RARB: variants seen among roughly 807,000 people sequenced by gnomAD.
RARB encodes retinoic acid receptor beta.
In RARB, 17 loss-of-function variants were observed where a neutral mutation model predicts 51.9. That is an observed-to-expected ratio of 0.33 (90% CI 0.22 to 0.49). The LOEUF (loss-of-function observed/expected upper bound fraction) is 0.49, where lower values mean the gene tolerates loss of function less well. RARB is among the 20% of genes least tolerant of loss of function. RARB has a pLI of 0.99. For synonymous variants in RARB, 215 were observed against 195.4 expected, an observed-to-expected ratio of 1.10 and a Z score of -0.84; for missense variants, 369 against 550.8, an observed-to-expected ratio of 0.67 and a Z score of 3.30.
chr3:25,479,335 A>G (rs973251741), intron 2 of RARB, among the ~76,000 whole-genome samples: 2 of 152,160 alleles, frequency 1.3e-5, no homozygotes, highest in African/African-American at 2.4e-5. Flanking sequence ...GTCTTACTCT[A>G]TGTTAAATGG....
At chr3:25,210,270 C>A (rs986858013) in intron 5 of RARB, among the ~76,000 whole-genome samples, 1 of 152,202 alleles carries the variant, frequency 6.6e-6, no homozygotes, top group Non-Finnish European at 1.5e-5. Flanking sequence ...TCCTTCCTGT[C>A]CCAATACACC....
chr3:25,241,107 A>G (rs55793955), intron 5 of RARB, among the ~76,000 whole-genome samples: 18,472 of 151,998 alleles, frequency 0.12, 2,613 homozygotes, highest in African/African-American at 0.33. Flanking sequence ...TTTCCAGTTT[A>G]TTTGTGTATA....
chr3:25,377,383 G>A (rs1238409199), intron 5 of RARB, among the ~76,000 whole-genome samples: 1 of 152,178 alleles, frequency 6.6e-6, no homozygotes, highest in Admixed American at 6.6e-5. Flanking sequence ...ATAGACACAT[G>A]TGCAGGTCTA....
rs150655939 is a variant in RARB at position 25,216,843 on chromosome 3, T to G, written c.178+42268T>G. Among the ~76,000 whole-genome samples the G allele has an allele frequency of 3.2e-3, 486 of 152,132 alleles. 1 individual carries two copies. Among genetic ancestry groups the G allele is most frequent in the African/African-American group, 0.011 (473 of 41,538 alleles). On this transcript the variant is annotated intron_variant, in intron 5 of 11. Coordinates refer to the RARB transcript ENST00000383772. The stretch of plus-strand genomic sequence containing the variant: ...ATAGTTTTGCTCCTCCATTGCAATT[T>G]ATTTGTTGAAGAAATCAGATCATCT...
At chr3:25,062,402 T>C (rs1394274921) in intron 3 of RARB, among the ~76,000 whole-genome samples, 1 of 151,916 alleles carries the variant, frequency 6.6e-6, no homozygotes, top group Non-Finnish European at 1.5e-5. Context: ...TAACTTTTTC[T>C]AGTGTGAAAT....
chr3:25,249,304 CTT>C, intron 5 of RARB, among the ~76,000 whole-genome samples: 1 of 152,120 alleles, frequency 6.6e-6, no homozygotes, highest in Non-Finnish European at 1.5e-5. Flanking sequence ...ATATCTGTCT[CTT>C]AATAAATTTC....
At chr3:25,495,927 T>C (rs1365386932) in intron 2 of RARB, among the ~76,000 whole-genome samples, 2 of 152,216 alleles carry the variant, frequency 1.3e-5, no homozygotes, top group South Asian at 2.1e-4. Context: ...GCAGAAGCTA[T>C]GATGTATAAC....
intron 3 of RARB, among the ~76,000 whole-genome samples, chr3:25,064,066 G>A (rs1444664578): frequency 6.6e-6 from 1 of 152,002 alleles, no homozygotes; most frequent in East Asian, 1.9e-4. Context: ...GCGGTGGGTG[G>A]ATAGAACCTA....
intron 4 of RARB, among the ~76,000 whole-genome samples, chr3:25,168,299 C>T (rs761073862): frequency 6.6e-6 from 1 of 152,068 alleles, no homozygotes; most frequent in Non-Finnish European, 1.5e-5. Context: ...TGGCTCGCTG[C>T]AACCTCCGCC....
intron 5 of RARB, among the ~76,000 whole-genome samples, chr3:25,179,345 T>C (rs1700817987): frequency 6.6e-6 from 1 of 152,218 alleles, no homozygotes; most frequent in African/African-American, 2.4e-5. Context: ...TCCAACTCAT[T>C]AATTTCTACC....
At chr3:24,937,261 TAG>T (rs1427262972) in intron 2 of RARB, among the ~76,000 whole-genome samples, 2 of 152,168 alleles carry the variant, frequency 1.3e-5, no homozygotes, top group Non-Finnish European at 2.9e-5. Context: ...TGCCAGAAAC[TAG>T]TTGCTACTCA....
At chr3:24,841,778 GAAT>G (rs757725254) in intron 1 of RARB, among the ~76,000 whole-genome samples, 10 of 152,048 alleles carry the variant, frequency 6.6e-5, no homozygotes, top group Non-Finnish European at 1.3e-4. Flanking sequence ...TATCTATGAA[GAAT>G]AATAGATGTG....
intron 5 of RARB, among the ~76,000 whole-genome samples, chr3:25,289,393 C>G (rs1703730643): frequency 1.3e-5 from 2 of 152,210 alleles, no homozygotes; most frequent in Admixed American, 6.5e-5. Flanking sequence ...CTGTTACCAT[C>G]AGTCACCTCT....
chr3:24,876,877 C>A (rs550527171), intron 2 of RARB, among the ~76,000 whole-genome samples: 1 of 152,020 alleles, frequency 6.6e-6, no homozygotes, highest in Non-Finnish European at 1.5e-5. Context: ...CAATGTCCTT[C>A]CCAGGCATAA....
chr3:24,846,442 GC>G (rs1702486604), intron 1 of RARB, among the ~76,000 whole-genome samples: 1 of 152,182 alleles, frequency 6.6e-6, no homozygotes. Flanking sequence ...AGGATATGTG[GC>G]CTTATGTTAT....
At position 25,172,653 on chromosome 3, in the gene RARB, G is replaced by T. The variant is rs77428316; in HGVS notation, c.-279-1466G>T. On this transcript the variant is annotated intron_variant, in intron 4 of 11. Coordinates refer to the RARB transcript ENST00000383772. ...TTTAGTCCTAACATTGTTTTCCTGG[G>T]ATTACTATAATGTAGTCTCCCTGCC... 4.7e-3 allele frequency among the ~76,000 whole-genome samples: 712 copies of T among 152,180 alleles called. 3 individuals are homozygous for T. Among genetic ancestry groups the T allele is most frequent in the African/African-American group, 0.016 (656 of 41,520 alleles).
At chr3:25,096,134 G>A (rs756672306) in intron 3 of RARB, among the ~76,000 whole-genome samples, 1 of 152,030 alleles carries the variant, frequency 6.6e-6, no homozygotes, top group Non-Finnish European at 1.5e-5. Flanking sequence ...GCCCTTTGTT[G>A]CATGTTTGCT....
chr3:25,242,363 G>A (rs1387847663), intron 5 of RARB, among the ~76,000 whole-genome samples: 2 of 152,098 alleles, frequency 1.3e-5, no homozygotes, highest in African/African-American at 2.4e-5. Context: ...TGGTGTTTTG[G>A]TCATGAAGTC....
chr3:25,121,454 T>C (rs1004007740), intron 3 of RARB, among the ~76,000 whole-genome samples: 1 of 152,162 alleles, frequency 6.6e-6, no homozygotes, highest in Admixed American at 6.5e-5. Context: ...TTAATTGATG[T>C]ATAAACAACC....
Sources: gnomAD v4.1 joint callset for allele counts (sites outside exome capture counted in the v4.1 genomes callset) on GRCh38, gnomAD v4.1.1 for gene constraint, MANE v1.5 for transcripts, NCBI Gene and HGNC (gene_info 2026-07-23, HGNC 2026-07-21) for gene names.